ABCA5: variants seen among roughly 807,000 people sequenced by gnomAD.
ABCA5 encodes ATP binding cassette subfamily A member 5, also known as cholesterol transporter ABCA5.
In ABCA5, 163 loss-of-function variants were observed where a neutral mutation model predicts 206.0. That is an observed-to-expected ratio of 0.79 (90% CI 0.70 to 0.90). The LOEUF (loss-of-function observed/expected upper bound fraction) is 0.90. ABCA5 is among the 40% of genes least tolerant of loss of function. ABCA5 has a pLI of 0.00. For synonymous variants in ABCA5, 609 were observed against 613.8 expected (o/e 0.99, Z 0.11); for missense variants, 1,859 against 1,912.9 (o/e 0.97, Z 0.53).
rs896678764 is a variant in ABCA5 at position 69,257,323 on chromosome 17, C to T, written c.3732-1040G>A. On this transcript the variant is annotated intron_variant, in intron 28 of 38. Transcript: ENST00000392676. ...GAGCTGAGATCATGCCACTGCACTC[C>T]AGCCTGGGTGACAGAGTGAGATTCC... 6.2e-5 allele frequency among the ~76,000 whole-genome samples: 9 copies of T among 145,478 alleles called. No homozygotes were observed. In the Admixed American group the frequency reaches 6.3e-4, roughly 10 times the overall value.
intron 1 of ABCA5, among the ~76,000 whole-genome samples, chr17:69,315,649 G>A (rs2075809341): frequency 6.6e-6 from 1 of 152,066 alleles, no homozygotes; most frequent in South Asian, 2.1e-4. Flanking sequence ...TGGGTGTGGT[G>A]GCACACACCT....
At chr17:69,273,703 G>A (rs907061263) in intron 20 of ABCA5, among the ~76,000 whole-genome samples, 12 of 151,908 alleles carry the variant, frequency 7.9e-5, no homozygotes, top group East Asian at 3.9e-4. Flanking sequence ...TGATCCACCC[G>A]CCTTGGCCTC....
intron 18 of ABCA5, among the ~76,000 whole-genome samples, chr17:69,283,708 A>T (rs1319756959): frequency 6.6e-6 from 1 of 152,078 alleles, no homozygotes; most frequent in Non-Finnish European, 1.5e-5. Flanking sequence ...TTCTCATTAT[A>T]CAGGCCTCAG....
At chr17:69,283,892 T>G (rs2075423016) in intron 18 of ABCA5, 61 bp downstream of exon 18, 2 of 1,500,056 alleles carry the variant, frequency 1.3e-6, no homozygotes, top group Non-Finnish European at 8.9e-7. Context: ...TATATAATTT[T>G]TGTCTTATTC....
intron 1 of ABCA5, among the ~76,000 whole-genome samples, chr17:69,324,858 T>G (rs1158974071): frequency 6.6e-6 from 1 of 152,130 alleles, no homozygotes; most frequent in Non-Finnish European, 1.5e-5. Context: ...AATGAGAAAT[T>G]AGGAACATAT....
chr17:69,314,195 G>T, intron 2 of ABCA5, 119 bp downstream of exon 2: 1 of 462,692 alleles, frequency 2.2e-6, no homozygotes, highest in Non-Finnish European at 3.5e-6. Context: ...TACTTTACAA[G>T]CAAAGAAAAA....
chr17:69,290,152 T>C, intron 12 of ABCA5, 115 bp from the exon 13 acceptor site: 1 of 676,548 alleles, frequency 1.5e-6, no homozygotes, highest in East Asian at 3.1e-5. Context: ...TAAAAATTAA[T>C]ATAAATTTAC....
chr17:69,298,185 C>G (rs2075603188), intron 9 of ABCA5, among the ~76,000 whole-genome samples: 2 of 127,718 alleles, frequency 1.6e-5, no homozygotes, highest in Non-Finnish European at 3.2e-5. Context: ...AACCCTGTCT[C>G]AAAAAAGACA....
Position 69,282,765 on chromosome 17 carries a change from CAA to C in ABCA5, c.2392+1186_2392+1187del, listed in dbSNP as rs71144668. 1.8e-3 allele frequency among the ~76,000 whole-genome samples: 189 copies of C among 107,916 alleles called. 1 individual carries two copies. Among genetic ancestry groups the C allele is most frequent in the Middle Eastern group, 8.7e-3 (2 of 230 alleles). 70.8% of individuals were successfully genotyped at this position (107,916 alleles called of 152,430 possible). A position where few individuals can be genotyped will look rare whatever the true frequency, so the allele number is the denominator to read the frequency against. ...CCAGCCTGGGTGACAGAGCAAGACTCAAAAAAAAAAAAAAAAAAGGAAAAAAC... is the reference window on the plus strand; with the variant it reads ...CCAGCCTGGGTGACAGAGCAAGACTCAAAAAAAAAAAAAAAAGGAAAAAAC... On this transcript the variant is annotated intron_variant, in intron 18 of 38. Coordinates refer to ENST00000392676, the MANE Select transcript of ABCA5 (RefSeq NM_172232.4).
intron 38 of ABCA5, 146 bp from the exon 39 acceptor site, chr17:69,247,790 G>A: frequency 2.2e-6 from 1 of 458,782 alleles, no homozygotes. Context: ...TATTCAAACA[G>A]ATTATTTTCA....
At chr17:69,261,077 A>G (rs1598154533) in intron 26 of ABCA5, 48 bp downstream of exon 26, 1 of 1,448,816 alleles carries the variant, frequency 6.9e-7, no homozygotes, top group Non-Finnish European at 9.3e-7. Flanking sequence ...AAATTAGACC[A>G]TATTTATTTT....
At chr17:69,322,534 C>T in intron 1 of ABCA5, among the ~76,000 whole-genome samples, 1 of 151,942 alleles carries the variant, frequency 6.6e-6, no homozygotes, top group East Asian at 1.9e-4. Context: ...AATTTGAAAG[C>T]TATAAAGTAT....
At chr17:69,290,832 T>G (rs558042267) in intron 12 of ABCA5, among the ~76,000 whole-genome samples, 97 of 152,230 alleles carry the variant, frequency 6.4e-4, no homozygotes, top group African/African-American at 2.1e-3. Flanking sequence ...AGTATGAACA[T>G]TTACAATTAT....
chr17:69,251,719 C>T, intron 35 of ABCA5, 28 bp downstream of exon 35: 1 of 1,597,668 alleles, frequency 6.3e-7, no homozygotes, highest in Non-Finnish European at 8.5e-7. Context: ...ACCTCTTCCC[C>T]TGAATGGCAC....
intron 1 of ABCA5, among the ~76,000 whole-genome samples, chr17:69,316,157 A>C (rs2145045872): frequency 6.6e-6 from 1 of 152,350 alleles, no homozygotes; most frequent in African/African-American, 2.4e-5. Context: ...TCTGAACAAC[A>C]GAGAGAAAAA....
Position 69,294,642 on chromosome 17 carries a change from G to A in ABCA5, c.1495+13C>T, listed in dbSNP as rs781522940. 3.8e-6 allele frequency: 6 copies of A among 1,594,946 alleles called. No individual in the cohort carries two copies. Among genetic ancestry groups the A allele is most frequent in the Non-Finnish European group, 5.1e-6 (6 of 1,165,316 alleles). On this transcript the variant is annotated intron_variant, in intron 11 of 38. Transcript: ENST00000392676. ...TTAAATACTATGGCCTGAATACTAG[G>A]AAAACTACTTACTTCTCAAAGCCTC...
Position 69,271,305 on chromosome 17 carries a change from A to C in ABCA5, c.2765-16T>G. On this transcript the variant is annotated splice_polypyrimidine_tract_variant and intron_variant, in intron 20 of 38. Transcript: ENST00000392676. ...ATATCTGAGTCTGGTGTTAGAAAAT[A>C]AGCAAATAATAAAAAATGAGTCTAA... 2 of 1,597,946 alleles carry C rather than the reference A, an allele frequency of 1.3e-6. No individual in the cohort carries two copies. Among genetic ancestry groups the C allele is most frequent in the Non-Finnish European group, 1.7e-6 (2 of 1,173,744 alleles).
intron 11 of ABCA5, among the ~76,000 whole-genome samples, chr17:69,291,958 T>C (rs511854): frequency 0.96 from 146,100 of 152,002 alleles, 70,492 homozygotes; most frequent in East Asian, 1. Flanking sequence ...ACAAAAAATA[T>C]AAAAATTAGC....
intron 34 of ABCA5, 150 bp from the exon 35 acceptor site, chr17:69,252,016 A>ACTTTTATATTAATTTTTT: frequency 1.6e-6 from 1 of 612,598 alleles, no homozygotes; most frequent in Non-Finnish European, 2.6e-6. Flanking sequence ...CCCAACTATG[A>ACTTTTATATTAATTTTTT]TTTTTTTTTT....
Sources: gnomAD v4.1 joint callset for allele counts (sites outside exome capture counted in the v4.1 genomes callset) on GRCh38, gnomAD v4.1.1 for gene constraint, MANE v1.5 for transcripts, NCBI Gene and HGNC (gene_info 2026-07-23, HGNC 2026-07-21) for gene names.